Variants in NOS1AP observed in about 807,000 individuals in gnomAD.
NOS1AP encodes the protein carboxyl-terminal PDZ ligand of neuronal nitric oxide synthase protein.
Under a neutral mutation model 56.2 loss-of-function variants are expected in NOS1AP, and 21 were observed. That is an observed-to-expected ratio of 0.37 (90% CI 0.26 to 0.54). The LOEUF (loss-of-function observed/expected upper bound fraction) is 0.54, where lower values mean the gene tolerates loss of function less well. Among genes scored for constraint, NOS1AP ranks in the 20% least tolerant of loss-of-function variants. The pLI is 0.84. For missense variants in NOS1AP, 522 were observed against 657.8 expected, an observed-to-expected ratio of 0.79 and a Z score of 2.26; for synonymous variants, 270 against 274.6, an observed-to-expected ratio of 0.98 and a Z score of 0.17.
intron 2 of NOS1AP, among the ~76,000 whole-genome samples, chr1:162,276,314 GT>G (rs1367447795): frequency 1.1e-4 from 16 of 152,120 alleles, no homozygotes; most frequent in South Asian, 4.1e-4. Flanking sequence ...CAGCTTTGGA[GT>G]TACCTATGGT....
At position 162,268,857 on chromosome 1, in the gene NOS1AP, C is replaced by T. The variant is rs146097015; in HGVS notation, c.178-18487C>T. On this transcript the variant is annotated intron_variant, in intron 2 of 9. Coordinates refer to ENST00000361897, the MANE Select transcript of NOS1AP (RefSeq NM_014697.3). Reference sequence around the variant, plus strand: ...GAAATACAAGTTAGAAGAGGAAAGACTAGCAAATTAGAGAATCAATCTAGG... The same window carrying T: ...GAAATACAAGTTAGAAGAGGAAAGATTAGCAAATTAGAGAATCAATCTAGG... Among the ~76,000 whole-genome samples, 558 of 151,962 alleles carry T rather than the reference C, an allele frequency of 3.7e-3. 7 individuals carry two copies. Among genetic ancestry groups the T allele is most frequent in the African/African-American group, 0.013 (527 of 41,402 alleles).
At chr1:162,186,173 A>G (rs1651424861) in intron 2 of NOS1AP, among the ~76,000 whole-genome samples, 1 of 152,220 alleles carries the variant, frequency 6.6e-6, no homozygotes, top group South Asian at 2.1e-4. Flanking sequence ...CACTCAGTGA[A>G]GCAACATTCT....
intron 1 of NOS1AP, among the ~76,000 whole-genome samples, chr1:162,150,121 C>G (rs1186119904): frequency 1.3e-5 from 2 of 152,088 alleles, no homozygotes; most frequent in Non-Finnish European, 2.9e-5. Flanking sequence ...CCATCCTTCC[C>G]TCCCTGCTGC....
intron 2 of NOS1AP, among the ~76,000 whole-genome samples, chr1:162,185,077 G>A (rs980515718): frequency 2.0e-5 from 3 of 152,250 alleles, no homozygotes; most frequent in South Asian, 2.1e-4. Context: ...TCCCCAGCTC[G>A]TGGCCCCATC....
intron 2 of NOS1AP, among the ~76,000 whole-genome samples, chr1:162,196,386 T>G (rs904119911): frequency 1.3e-5 from 2 of 152,244 alleles, no homozygotes; most frequent in African/African-American, 4.8e-5. Flanking sequence ...CTGTAATCTA[T>G]TGATTCATAC....
intron 3 of NOS1AP, among the ~76,000 whole-genome samples, chr1:162,298,428 T>C (rs921902305): frequency 1.3e-5 from 2 of 152,102 alleles, no homozygotes; most frequent in African/African-American, 4.8e-5. Flanking sequence ...ACCAGGGTGG[T>C]GTAATTGGAA....
At chr1:162,153,868 T>C (rs1168269751) in intron 1 of NOS1AP, among the ~76,000 whole-genome samples, 1 of 152,196 alleles carries the variant, frequency 6.6e-6, no homozygotes, top group African/African-American at 2.4e-5. Context: ...ATAAATTAAT[T>C]CATTTCTTTC....
intron 8 of NOS1AP, 84 bp downstream of exon 8, chr1:162,357,220 T>C (rs1257401342): frequency 1.4e-5 from 21 of 1,548,326 alleles, no homozygotes; most frequent in South Asian, 5.8e-5. Flanking sequence ...TCAGGGCAGG[T>C]TTAAAATCTA....
chr1:162,230,826 C>T (rs12125138), intron 2 of NOS1AP, among the ~76,000 whole-genome samples: 5,703 of 152,228 alleles, frequency 0.037, 167 homozygotes, highest in Admixed American at 0.055. Context: ...TGTCGAATTT[C>T]CTCCTTTTAA....
intron 2 of NOS1AP, among the ~76,000 whole-genome samples, chr1:162,215,448 A>G (rs1475408787): frequency 6.6e-6 from 1 of 152,226 alleles, no homozygotes; most frequent in Non-Finnish European, 1.5e-5. Flanking sequence ...GGCTAGGCTC[A>G]TGAGCCCTGG....
intron 2 of NOS1AP, among the ~76,000 whole-genome samples, chr1:162,164,860 A>C (rs1190101346): frequency 6.6e-6 from 1 of 152,154 alleles, no homozygotes; most frequent in Non-Finnish European, 1.5e-5. Flanking sequence ...ATCTGCTGGG[A>C]GCGCAAACCT....
intron 2 of NOS1AP, among the ~76,000 whole-genome samples, chr1:162,163,044 G>A (rs1413388780): frequency 3.3e-5 from 5 of 152,008 alleles, no homozygotes; most frequent in Non-Finnish European, 7.4e-5. Flanking sequence ...ATTTTAAATG[G>A]CATCATACAA....
At chr1:162,366,977 G>A (rs1010009530) in intron 9 of NOS1AP, 75 bp from the exon 10 acceptor site, 16 of 1,568,866 alleles carry the variant, frequency 1.0e-5, no homozygotes, top group African/African-American at 9.5e-5. Context: ...GGGCACGGGC[G>A]GGCAGAAGGC....
chr1:162,088,599 A>G (rs1289265819), intron 1 of NOS1AP, among the ~76,000 whole-genome samples: 1 of 152,164 alleles, frequency 6.6e-6, no homozygotes, highest in Non-Finnish European at 1.5e-5. Flanking sequence ...CAAAACCAGC[A>G]CTTATCTCCC....
chr1:162,297,621 T>TA (rs1490850379), intron 3 of NOS1AP, among the ~76,000 whole-genome samples: 1 of 152,188 alleles, frequency 6.6e-6, no homozygotes, highest in African/African-American at 2.4e-5. Flanking sequence ...GAAATGTTTG[T>TA]TAAAGCTACA....
intron 1 of NOS1AP, among the ~76,000 whole-genome samples, chr1:162,105,027 C>T (rs1277220559): frequency 1.3e-5 from 2 of 152,160 alleles, no homozygotes. Context: ...GATTGTTTCT[C>T]ATCTTTATGG....
intron 2 of NOS1AP, among the ~76,000 whole-genome samples, chr1:162,258,368 G>T (rs150734631): frequency 1.2e-4 from 19 of 152,320 alleles, no homozygotes; most frequent in African/African-American, 4.3e-4. Flanking sequence ...ATATGAATGG[G>T]ATGTGGGGAG....
intron 2 of NOS1AP, among the ~76,000 whole-genome samples, chr1:162,184,353 T>C (rs1254272560): frequency 1.3e-5 from 2 of 152,204 alleles, no homozygotes; most frequent in Non-Finnish European, 2.9e-5. Context: ...TGAAATATTG[T>C]GTGAATTAAC....
At chr1:162,300,096 C>G (rs1655594742) in intron 3 of NOS1AP, among the ~76,000 whole-genome samples, 1 of 152,282 alleles carries the variant, frequency 6.6e-6, no homozygotes. Flanking sequence ...GAAGGTAGAG[C>G]AGGATTCTCT....
Sources: gnomAD v4.1 joint callset for allele counts (sites outside exome capture counted in the v4.1 genomes callset) on GRCh38, gnomAD v4.1.1 for gene constraint, MANE v1.5 for transcripts, NCBI Gene and HGNC (gene_info 2026-07-23, HGNC 2026-07-21) for gene names.